The following SYNJ1 variants were observed in gnomAD, a reference collection of about 807,000 sequenced individuals.
SYNJ1 encodes polyphosphatidylinositol phosphatase SYNJ1.
Under a neutral mutation model 168.2 loss-of-function variants are expected in SYNJ1, and 78 were observed. The observed-to-expected ratio is 0.46, with a 90% CI of 0.39 to 0.56. The LOEUF (loss-of-function observed/expected upper bound fraction) is 0.56. SYNJ1 is among the 20% of genes least tolerant of loss of function. SYNJ1 has a pLI of 0.00. For synonymous variants in SYNJ1, 539 were observed against 548.6 expected (o/e 0.98, Z 0.24); for missense variants, 1,303 against 1,597.6 (o/e 0.82, Z 3.14).
At chr21:32,669,841 C>A (rs1053720920) in intron 15 of SYNJ1, among the ~76,000 whole-genome samples, 2 of 152,118 alleles carry the variant, frequency 1.3e-5, no homozygotes, top group African/African-American at 4.8e-5. Flanking sequence ...CAACATACTG[C>A]AGCAGACTGA....
At position 32,681,530 on chromosome 21, in the gene SYNJ1, T is replaced by A; in HGVS notation, c.1319A>T (p.Tyr440Phe). ...SVNGDSISKIYAGTGALEGKA... is the reference protein window; with the variant it reads ...SVNGDSISKIFAGTGALEGKA... ...CCCTTCAAGAGCTCCAGTTCCTGCA[T>A]ATATCTTACTGATTGAATCACCATT... Residue 440 changes from tyrosine (Y) to phenylalanine (F), a missense_variant, in exon 11 of 33, where the codon TAT (tyrosine) becomes TTT (phenylalanine). Physicochemically the swap from Tyr to Phe is conservative, Grantham distance 22. Coordinates refer to ENST00000674351, the MANE Select transcript of SYNJ1 (RefSeq NM_203446.3). The A allele has an allele frequency of 6.2e-7, 1 of 1,613,330 alleles. No individual in the cohort carries two copies. The highest frequency in any genetic ancestry group is 8.5e-7 in the Non-Finnish European group (1 of 1,179,494).
chr21:32,715,359 A>G (rs1047128113), intron 2 of SYNJ1, among the ~76,000 whole-genome samples: 2 of 151,992 alleles, frequency 1.3e-5, no homozygotes, highest in African/African-American at 4.8e-5. Flanking sequence ...CCATAATTTC[A>G]GCTACTCGGG....
chr21:32,694,360 A>C (rs769227306), intron 5 of SYNJ1, 49 bp from the exon 6 acceptor site: 1 of 1,411,128 alleles, frequency 7.1e-7, no homozygotes, highest in African/African-American at 1.5e-5. Flanking sequence ...AAAAGTTGTT[A>C]CACTTACATT....
At chr21:32,680,554 T>A (rs756684563) in intron 11 of SYNJ1, among the ~76,000 whole-genome samples, 2 of 152,008 alleles carry the variant, frequency 1.3e-5, no homozygotes, top group African/African-American at 2.4e-5. Flanking sequence ...AAGAAAGTAG[T>A]CTGTAGATAA....
At chr21:32,701,173 G>A (rs1397737675) in intron 3 of SYNJ1, among the ~76,000 whole-genome samples, 2 of 152,094 alleles carry the variant, frequency 1.3e-5, no homozygotes, top group African/African-American at 4.8e-5. Flanking sequence ...GCACCTAAGC[G>A]CAGTGCTTTA....
At chr21:32,667,841 T>G (rs1412160527) in intron 15 of SYNJ1, among the ~76,000 whole-genome samples, 1 of 152,190 alleles carries the variant, frequency 6.6e-6, no homozygotes, top group South Asian at 2.1e-4. Context: ...TATAATTTAC[T>G]TATTGTTGTT....
intron 31 of SYNJ1, among the ~76,000 whole-genome samples, chr21:32,638,153 T>G (rs531413518): frequency 6.6e-6 from 1 of 152,246 alleles, no homozygotes; most frequent in African/African-American, 2.4e-5. Context: ...ACTGCAGCCT[T>G]GATGTCCTGG....
intron 21 of SYNJ1, among the ~76,000 whole-genome samples, chr21:32,656,449 A>C (rs1011203217): frequency 2.6e-5 from 4 of 152,188 alleles, no homozygotes; most frequent in Non-Finnish European, 5.9e-5. Context: ...GTCTTAAAAA[A>C]AAAGTTTCAC....
chr21:32,672,027 C>T (rs2041211729), intron 14 of SYNJ1, among the ~76,000 whole-genome samples: 1 of 132,632 alleles, frequency 7.5e-6, no homozygotes, highest in Non-Finnish European at 1.5e-5. Flanking sequence ...CCACTGCACT[C>T]CAGCCTGGGC....
At chr21:32,714,251 T>G (rs1378643933) in intron 2 of SYNJ1, among the ~76,000 whole-genome samples, 1 of 152,108 alleles carries the variant, frequency 6.6e-6, no homozygotes, top group Non-Finnish European at 1.5e-5. Context: ...GGTAACAGGT[T>G]GAAGAGGGAA....
At chr21:32,709,672 C>T (rs192861073) in intron 2 of SYNJ1, among the ~76,000 whole-genome samples, 29 of 151,602 alleles carry the variant, frequency 1.9e-4, no homozygotes, top group African/African-American at 7.0e-4. Context: ...TGCCCACCAA[C>T]ACGCCCAGCT....
intron 2 of SYNJ1, among the ~76,000 whole-genome samples, chr21:32,718,736 C>T (rs1244527242): frequency 6.6e-6 from 1 of 151,630 alleles, no homozygotes; most frequent in African/African-American, 2.4e-5. Context: ...TAGAACCTGA[C>T]ATTTAACTTG....
intron 2 of SYNJ1, among the ~76,000 whole-genome samples, chr21:32,713,571 T>A (rs954656103): frequency 1.4e-5 from 2 of 145,896 alleles, no homozygotes; most frequent in South Asian, 4.5e-4. Flanking sequence ...TATGTCAACA[T>A]GGATGATTTC....
intron 2 of SYNJ1, among the ~76,000 whole-genome samples, chr21:32,712,122 G>A (rs1181536024): frequency 6.6e-6 from 1 of 152,204 alleles, no homozygotes; most frequent in East Asian, 1.9e-4. Flanking sequence ...TTCCCCAGCT[G>A]ATACAGAAGA....
chr21:32,635,287 T>TA (rs1268896962), intron 31 of SYNJ1, among the ~76,000 whole-genome samples: 1 of 152,116 alleles, frequency 6.6e-6, no homozygotes, highest in African/African-American at 2.4e-5. Context: ...AGGAGGTAAT[T>TA]AGAGTTAGAT....
In SYNJ1 at chr21:32,650,302, C is replaced by A. The variant is rs1205584353; in HGVS notation, c.2919G>T (p.Trp973Cys). ...TCATTTCTTCTTCCAAATTTTTGAT[C>A]CAGTCTGGACTTTTTAAAGCAATAG... is the stretch of plus-strand genomic sequence containing the variant. The part of the protein sequence containing the change: ...TITIALKSPD[W>C]IKNLEEEMSL... Residue 973 changes from tryptophan (W) to cysteine (C), a missense_variant, in exon 23 of 33, where the codon TGG becomes TGT. By Grantham distance (215) the Trp-to-Cys change is radical (BLOSUM62 -2). This residue lies in a region of SYNJ1 where 920 missense variants were observed against 1,208.8 expected (regional missense o/e 0.76). Coordinates refer to ENST00000674351, the MANE Select transcript of SYNJ1 (RefSeq NM_203446.3). 6.2e-7 allele frequency: 1 copy of A among 1,613,432 alleles called. No homozygotes were observed. Among genetic ancestry groups the A allele is most frequent in the African/African-American group, 1.3e-5 (1 of 74,870 alleles).
chr21:32,657,358 T>G (rs2040499935), intron 19 of SYNJ1, among the ~76,000 whole-genome samples: 1 of 152,200 alleles, frequency 6.6e-6, no homozygotes, highest in Admixed American at 6.5e-5. Flanking sequence ...CAAGATTACT[T>G]AAAGGACTGG....
At chr21:32,645,817 T>A in intron 24 of SYNJ1, 28 bp from the exon 25 acceptor site, 1 of 1,504,144 alleles carries the variant, frequency 6.6e-7, no homozygotes, top group East Asian at 2.5e-5. Flanking sequence ...GGTAAGAAGA[T>A]CAGCTTCTAA....
At chr21:32,724,389 G>A (rs763388583) in intron 2 of SYNJ1, among the ~76,000 whole-genome samples, 11 of 152,064 alleles carry the variant, frequency 7.2e-5, no homozygotes, top group Admixed American at 2.0e-4. Context: ...TTGGGAGGCC[G>A]AGGCAGGAGA....
Sources: gnomAD v4.1 joint callset for allele counts (sites outside exome capture counted in the v4.1 genomes callset) on GRCh38, gnomAD v4.1.1 for gene constraint, gnomAD v4.1.1 regional missense constraint, MANE v1.5 for transcripts, NCBI Gene and HGNC (gene_info 2026-07-23, HGNC 2026-07-21) for gene names.